BBS9: variants seen among roughly 807,000 people sequenced by gnomAD.
The protein encoded by BBS9 is Bardet-Biedl syndrome 9.
A neutral mutation model predicts 117.7 loss-of-function variants in BBS9; 89 were observed. The observed-to-expected ratio is 0.76, with a 90% CI of 0.64 to 0.90. BBS9 has a LOEUF of 0.90. Among genes scored for constraint, BBS9 ranks in the 40% least tolerant of loss-of-function variants. The pLI is 0.00. For synonymous variants in BBS9, 379 were observed against 370.9 expected (o/e 1.02, Z -0.25); for missense variants, 982 against 1,042.2 (o/e 0.94, Z 0.80).
intron 19 of BBS9, among the ~76,000 whole-genome samples, chr7:33,413,763 T>A (rs1239820039): frequency 6.6e-6 from 1 of 152,184 alleles, no homozygotes; most frequent in Non-Finnish European, 1.5e-5. Flanking sequence ...GGCTCACGCC[T>A]GTAATCCCAG....
At chr7:33,332,068 G>T (rs1814192352) in intron 9 of BBS9, among the ~76,000 whole-genome samples, 1 of 152,186 alleles carries the variant, frequency 6.6e-6, no homozygotes. Flanking sequence ...CAAGGCTGTA[G>T]TTACCCAAAC....
intron 14 of BBS9, 123 bp from the exon 15 acceptor site, chr7:33,352,736 A>C: frequency 8.9e-7 from 1 of 1,129,620 alleles, no homozygotes; most frequent in East Asian, 2.4e-5. Flanking sequence ...CATCTGTGAG[A>C]ATCTTGAAAT....
At chr7:33,472,154 T>C (rs1841130328) in intron 19 of BBS9, among the ~76,000 whole-genome samples, 1 of 152,184 alleles carries the variant, frequency 6.6e-6, no homozygotes. Context: ...TGCTCAAGGA[T>C]AAATAGTGAC....
intron 21 of BBS9, among the ~76,000 whole-genome samples, chr7:33,561,263 C>T (rs1279784148): frequency 6.6e-6 from 1 of 152,140 alleles, no homozygotes; most frequent in African/African-American, 2.4e-5. Flanking sequence ...CAATATTCTT[C>T]TCTCTCCGCC....
At chr7:33,170,221 G>A (rs1442090918) in intron 4 of BBS9, among the ~76,000 whole-genome samples, 7 of 149,846 alleles carry the variant, frequency 4.7e-5, no homozygotes, top group East Asian at 2.0e-4. Context: ...CTGGCAAACC[G>A]AATCCAGCAG....
At chr7:33,199,639 T>G (rs1021685333) in intron 5 of BBS9, among the ~76,000 whole-genome samples, 3 of 151,752 alleles carry the variant, frequency 2.0e-5, no homozygotes, top group African/African-American at 7.3e-5. Flanking sequence ...CTCCTCTCAC[T>G]TCAAAACTTA....
At chr7:33,430,771 A>G (rs1482323889) in intron 19 of BBS9, among the ~76,000 whole-genome samples, 5 of 152,168 alleles carry the variant, frequency 3.3e-5, no homozygotes, top group Admixed American at 6.5e-5. Flanking sequence ...GAGTGTTTCG[A>G]TCATAAGAAA....
chr7:33,309,385 C>G (rs1054244741), intron 9 of BBS9, among the ~76,000 whole-genome samples: 1 of 147,268 alleles, frequency 6.8e-6, no homozygotes, highest in Non-Finnish European at 1.5e-5. Flanking sequence ...TGAATGAACC[C>G]AAGATTTCCA....
intron 16 of BBS9, among the ~76,000 whole-genome samples, chr7:33,362,967 C>T (rs1820907337): frequency 6.6e-6 from 1 of 151,898 alleles, no homozygotes; most frequent in African/African-American, 2.4e-5. Context: ...TTTTGTTTCT[C>T]TCTGTGAGGG....
intron 16 of BBS9, among the ~76,000 whole-genome samples, chr7:33,366,619 C>A (rs1821807258): frequency 1.4e-5 from 2 of 147,168 alleles, no homozygotes; most frequent in Admixed American, 1.4e-4. Flanking sequence ...ATCTCGGCTC[C>A]CTGCAGCCTC....
chr7:33,481,743 C>G (rs1335596361), intron 19 of BBS9, among the ~76,000 whole-genome samples: 1 of 151,974 alleles, frequency 6.6e-6, no homozygotes, highest in Non-Finnish European at 1.5e-5. Flanking sequence ...TTTCTGTAAC[C>G]TAGGGGTGAT....
At chr7:33,367,912 C>A (rs763700631) in intron 17 of BBS9, 50 bp downstream of exon 17, 3 of 1,410,564 alleles carry the variant, frequency 2.1e-6, no homozygotes, top group Non-Finnish European at 3.0e-6. Context: ...TCTAAGGATA[C>A]CACATCACAG....
intron 17 of BBS9, among the ~76,000 whole-genome samples, chr7:33,369,517 A>C (rs1214403484): frequency 6.6e-6 from 1 of 152,226 alleles, no homozygotes; most frequent in Non-Finnish European, 1.5e-5. Flanking sequence ...TAGTGTAGGT[A>C]CACAAAATCA....
rs915003834 is a variant in BBS9, at chr7:33,340,928, C to T, written c.1230C>T (p.Asp410=). ...GGCCCATGACTGAGAGAGAAGATGA[C>T]TTGAACGTTTCTGTCGTGGTTTCTC... ...GVWPMTERED[D]LNVSVVVSPN... The change falls in exon 11 of 23, where the codon GAC becomes GAT. Residue 410 remains aspartate, a synonymous_variant. Transcript: ENST00000242067. The T allele has an allele frequency of 1.9e-6, 3 of 1,613,568 alleles. No homozygotes were observed. The highest frequency in any genetic ancestry group is 1.7e-5 in the Admixed American group (1 of 60,012).
At chr7:33,142,077 C>A (rs1342695330) in intron 1 of BBS9, among the ~76,000 whole-genome samples, 1 of 151,940 alleles carries the variant, frequency 6.6e-6, no homozygotes, top group African/African-American at 2.4e-5. Context: ...CTGGGACTAC[C>A]CGCCCGGCTA....
chr7:33,224,657 G>A (rs565510662), intron 5 of BBS9, among the ~76,000 whole-genome samples: 1 of 152,204 alleles, frequency 6.6e-6, no homozygotes, highest in South Asian at 2.1e-4. Flanking sequence ...TGGATTGTTT[G>A]TCCTGTTAAC....
At chr7:33,545,519 C>T (rs56075126) in intron 21 of BBS9, among the ~76,000 whole-genome samples, 18,340 of 152,058 alleles carry the variant, frequency 0.12, 1,178 homozygotes, top group African/African-American at 0.16. Context: ...CTCCCTTTCC[C>T]ACTTCTGCAG....
At chr7:33,603,148 G>C (rs1250677453) in intron 21 of BBS9, among the ~76,000 whole-genome samples, 1 of 152,150 alleles carries the variant, frequency 6.6e-6, no homozygotes, top group Non-Finnish European at 1.5e-5. Context: ...TCTCTTCCTT[G>C]CTCCTGAAGT....
intron 19 of BBS9, among the ~76,000 whole-genome samples, chr7:33,460,800 C>T (rs908586494): frequency 6.6e-6 from 1 of 151,932 alleles, no homozygotes; most frequent in Non-Finnish European, 1.5e-5. Flanking sequence ...AATGCATTCA[C>T]AATGTTGTAT....
Sources: gnomAD v4.1 joint callset for allele counts (sites outside exome capture counted in the v4.1 genomes callset) on GRCh38, gnomAD v4.1.1 for gene constraint, MANE v1.5 for transcripts, NCBI Gene and HGNC (gene_info 2026-07-23, HGNC 2026-07-21) for gene names.